Variants in DLG2 observed in about 807,000 individuals in gnomAD.
The protein encoded by DLG2 is disks large homolog 2.
In DLG2, 45 loss-of-function variants were observed where a neutral mutation model predicts 132.5. That is an observed-to-expected ratio of 0.34 (90% confidence interval 0.27 to 0.44). The LOEUF is 0.44. Ranked by LOEUF, DLG2 falls within the 20% of genes least tolerant of loss-of-function variation. DLG2 has a pLI of 1.00. For missense variants in DLG2, 1,045 were observed against 1,196.9 expected, an observed-to-expected ratio of 0.87 and a Z score of 1.87; for synonymous variants, 424 against 419.6, an observed-to-expected ratio of 1.01 and a Z score of -0.13.
At chr11:84,400,009 C>T (rs898575377) in intron 7 of DLG2, among the ~76,000 whole-genome samples, 2 of 152,182 alleles carry the variant, frequency 1.3e-5, no homozygotes, top group Non-Finnish European at 2.9e-5. Flanking sequence ...GGTAGATCCT[C>T]AACAGCTCAG....
At chr11:83,791,780 GGGCTACGCTTCCTCTCCCAGGACC>G (rs1052970034) in intron 17 of DLG2, among the ~76,000 whole-genome samples, 3 of 152,138 alleles carry the variant, frequency 2.0e-5, no homozygotes, top group African/African-American at 7.2e-5. Flanking sequence ...GAAGGTGGCC[GGGCTACGCTTCCTCTCCCAGGACC>G]GGCGTGACTG....
At chr11:84,932,867 G>A (rs898854564) in intron 6 of DLG2, among the ~76,000 whole-genome samples, 4 of 152,064 alleles carry the variant, frequency 2.6e-5, no homozygotes, top group Non-Finnish European at 4.4e-5. Context: ...ATTCCTTTGG[G>A]TACGTACCCA....
chr11:84,908,297 A>C (rs2091740109), intron 6 of DLG2, among the ~76,000 whole-genome samples: 1 of 152,224 alleles, frequency 6.6e-6, no homozygotes, highest in African/African-American at 2.4e-5. Context: ...TCAAAGATAA[A>C]GATTAATGAG....
At chr11:85,059,763 T>C (rs1041971620) in intron 6 of DLG2, among the ~76,000 whole-genome samples, 1 of 151,662 alleles carries the variant, frequency 6.6e-6, no homozygotes, top group African/African-American at 2.4e-5. Context: ...GTGTAACTGT[T>C]AGTGATTGAC....
At chr11:84,891,419 T>C (rs2089371065) in intron 6 of DLG2, among the ~76,000 whole-genome samples, 2 of 152,126 alleles carry the variant, frequency 1.3e-5, no homozygotes, top group African/African-American at 4.8e-5. Flanking sequence ...TGCTATTAAC[T>C]GACATTTAAA....
intron 3 of DLG2, among the ~76,000 whole-genome samples, chr11:85,342,073 G>T (rs932671642): frequency 6.6e-6 from 1 of 152,122 alleles, no homozygotes; most frequent in African/African-American, 2.4e-5. Context: ...ACACACCACT[G>T]AAGACATTAT....
intron 6 of DLG2, among the ~76,000 whole-genome samples, chr11:84,955,013 G>A (rs1430878457): frequency 8.5e-5 from 13 of 152,140 alleles, no homozygotes; most frequent in African/African-American, 2.9e-4. Flanking sequence ...TACCCTTGAA[G>A]CATGACAACA....
At chr11:83,872,291 TC>T (rs1423899468) in intron 16 of DLG2, among the ~76,000 whole-genome samples, 2 of 152,128 alleles carry the variant, frequency 1.3e-5, no homozygotes, top group Non-Finnish European at 2.9e-5. Context: ...TATACTATTT[TC>T]CCTTTTAGCT....
chr11:84,739,521 A>C (rs970430552), intron 6 of DLG2, among the ~76,000 whole-genome samples: 3 of 152,210 alleles, frequency 2.0e-5, no homozygotes, highest in Non-Finnish European at 4.4e-5. Flanking sequence ...GTTTTAAAAA[A>C]TATTTTATAT....
chr11:84,964,198 A>C (rs1218257649), intron 6 of DLG2, among the ~76,000 whole-genome samples: 2 of 152,228 alleles, frequency 1.3e-5, no homozygotes, highest in African/African-American at 4.8e-5. Context: ...CAGAAAAAAA[A>C]CAGAAAAGTA....
chr11:83,729,355 T>A (rs1304269335), intron 18 of DLG2, among the ~76,000 whole-genome samples: 2 of 152,196 alleles, frequency 1.3e-5, no homozygotes, highest in Admixed American at 6.6e-5. Flanking sequence ...AGTTACTGAA[T>A]GAAAAACAAA....
intron 18 of DLG2, among the ~76,000 whole-genome samples, chr11:83,738,119 G>C (rs894857539): frequency 1.3e-5 from 2 of 152,092 alleles, no homozygotes; most frequent in Admixed American, 1.3e-4. Context: ...GAGAAAAGGA[G>C]GTTTAGAACA....
chr11:85,308,483 G>T (rs1302489344), intron 3 of DLG2, among the ~76,000 whole-genome samples: 3 of 152,106 alleles, frequency 2.0e-5, no homozygotes, highest in Non-Finnish European at 4.4e-5. Flanking sequence ...GAAGGTCAGG[G>T]TATTTTTTTG....
At chr11:85,131,933 T>C (rs1314703906) in intron 5 of DLG2, among the ~76,000 whole-genome samples, 1 of 152,166 alleles carries the variant, frequency 6.6e-6, no homozygotes, top group East Asian at 1.9e-4. Flanking sequence ...AATTAACTCA[T>C]GGTATGCTTA....
chr11:84,720,426 G>C (rs778897812), intron 6 of DLG2: 3 of 985,298 alleles, frequency 3.0e-6, no homozygotes, highest in African/African-American at 1.7e-5. Context: ...GTGGCAGCTC[G>C]CTGGGGGACC....
chr11:83,642,889 A>C (rs907423528), intron 18 of DLG2, among the ~76,000 whole-genome samples: 1 of 152,130 alleles, frequency 6.6e-6, no homozygotes, highest in Non-Finnish European at 1.5e-5. Context: ...TAGTTACCTG[A>C]TCAGATTTTT....
intron 19 of DLG2, among the ~76,000 whole-genome samples, chr11:83,610,223 T>A (rs1408625338): frequency 2.0e-5 from 3 of 152,014 alleles, no homozygotes; most frequent in African/African-American, 7.3e-5. Context: ...CAGGAAGGGA[T>A]CCCAGAGTTT....
chr11:84,563,026 A>T (rs2099433351), intron 6 of DLG2, among the ~76,000 whole-genome samples: 3 of 152,188 alleles, frequency 2.0e-5, no homozygotes, highest in African/African-American at 7.2e-5. Flanking sequence ...TGCTGTGATT[A>T]CCAACTTTTA....
chr11:84,107,194 T>C (rs1335590059), intron 9 of DLG2, among the ~76,000 whole-genome samples: 1 of 151,804 alleles, frequency 6.6e-6, no homozygotes, highest in Admixed American at 6.6e-5. Context: ...CAAAAAAACA[T>C]AATCTTGAAG....
Sources: allele counts gnomAD v4.1 joint callset (sites outside exome capture counted in the v4.1 genomes callset), GRCh38; gene constraint gnomAD v4.1.1; transcripts MANE v1.5; gene names NCBI Gene and HGNC (gene_info 2026-07-23, HGNC 2026-07-21).